The following EHBP1 variants were observed in gnomAD, a reference collection of about 807,000 sequenced individuals.
EHBP1 encodes EH domain-binding protein 1.
A neutral mutation model predicts 144.0 loss-of-function variants in EHBP1; 55 were observed. The observed-to-expected ratio is 0.38, with a 90% CI of 0.31 to 0.48. EHBP1 has a LOEUF of 0.48. Among genes scored for constraint, EHBP1 ranks in the 20% least tolerant of loss-of-function variants. The probability of loss-of-function intolerance (pLI) is 0.98; values close to 1 mark genes in which losing one functional copy is unlikely to be tolerated. For synonymous variants in EHBP1, 469 were observed against 472.7 expected (o/e 0.99, Z 0.10); for missense variants, 1,200 against 1,364.2 (o/e 0.88, Z 1.90).
At chr2:62,808,584 A>G (rs535633554) in intron 5 of EHBP1, among the ~76,000 whole-genome samples, 2 of 152,164 alleles carry the variant, frequency 1.3e-5, no homozygotes, top group East Asian at 3.9e-4. Flanking sequence ...TATTGGTCTG[A>G]TTATTCCACC....
chr2:62,840,069 C>T (rs2047673896), intron 7 of EHBP1, among the ~76,000 whole-genome samples: 1 of 151,906 alleles, frequency 6.6e-6, no homozygotes, highest in Admixed American at 6.6e-5. Flanking sequence ...GGAGGCATCA[C>T]ACTACCTGAC....
chr2:62,750,023 A>C (rs2039529339), intron 3 of EHBP1, among the ~76,000 whole-genome samples: 1 of 152,072 alleles, frequency 6.6e-6, no homozygotes. Flanking sequence ...TTTTGTTGCC[A>C]TTGCTTTTGG....
chr2:62,951,902 A>T (rs923051512), intron 13 of EHBP1, among the ~76,000 whole-genome samples: 6 of 152,206 alleles, frequency 3.9e-5, no homozygotes, highest in Non-Finnish European at 4.4e-5. Context: ...TTAAAATTTT[A>T]AAATACCCTG....
chr2:62,789,530 G>T (rs1416265972), intron 5 of EHBP1, among the ~76,000 whole-genome samples: 1 of 152,036 alleles, frequency 6.6e-6, no homozygotes, highest in Non-Finnish European at 1.5e-5. Flanking sequence ...TGCCTCAAAC[G>T]TGCACAACCT....
chr2:62,792,119 TAC>T (rs892075952), intron 5 of EHBP1, among the ~76,000 whole-genome samples: 13 of 152,096 alleles, frequency 8.5e-5, no homozygotes, highest in Non-Finnish European at 1.5e-5. Context: ...AAGTACTACT[TAC>T]AGTTATTTCA....
At chr2:63,036,688 A>AATTAATATTAAT (rs1239610531) in intron 19 of EHBP1, among the ~76,000 whole-genome samples, 3 of 151,970 alleles carry the variant, frequency 2.0e-5, no homozygotes, top group Non-Finnish European at 4.4e-5. Context: ...AAGCTAGGAA[A>AATTAATATTAAT]ATTAATATTT....
chr2:62,892,661 C>G (rs2052560479), intron 10 of EHBP1, among the ~76,000 whole-genome samples: 2 of 151,996 alleles, frequency 1.3e-5, no homozygotes. Flanking sequence ...AGATGTTATC[C>G]TCATTGCAGC....
intron 19 of EHBP1, among the ~76,000 whole-genome samples, chr2:63,012,695 T>A (rs1029011233): frequency 1.3e-5 from 2 of 152,180 alleles, no homozygotes; most frequent in Non-Finnish European, 2.9e-5. Flanking sequence ...GGAAAATAAC[T>A]TAAAACAGCT....
intron 7 of EHBP1, 147 bp from the exon 8 acceptor site, chr2:62,859,022 T>TACA: frequency 9.2e-6 from 6 of 653,114 alleles, no homozygotes; most frequent in Non-Finnish European, 1.4e-5. Context: ...ACAAAATACT[T>TACA]GAATGGCATT....
chr2:63,020,314 A>C (rs1261348542), intron 19 of EHBP1, among the ~76,000 whole-genome samples: 1 of 133,148 alleles, frequency 7.5e-6, no homozygotes, highest in Admixed American at 8.4e-5. Flanking sequence ...ACAGAGTGAG[A>C]CTCTGTCTCA....
intron 7 of EHBP1, chr2:62,858,657 A>G: frequency 1.7e-6 from 1 of 595,254 alleles, no homozygotes; most frequent in Non-Finnish European, 3.0e-6. Flanking sequence ...GTAGTGCACC[A>G]ACAGGCAACA....
chr2:62,719,730 A>T (rs1169185795), intron 2 of EHBP1, among the ~76,000 whole-genome samples: 1 of 152,234 alleles, frequency 6.6e-6, no homozygotes, highest in African/African-American at 2.4e-5. Context: ...TAGCATTTAC[A>T]TTGTATTAGA....
At chr2:62,768,307 AAC>A (rs1227123700) in intron 4 of EHBP1, among the ~76,000 whole-genome samples, 1 of 152,190 alleles carries the variant, frequency 6.6e-6, no homozygotes, top group African/African-American at 2.4e-5. Flanking sequence ...GAGCCAAATA[AAC>A]ACAATTAGAA....
At chr2:62,914,045 AAGAG>A (rs2054422961) in intron 10 of EHBP1, among the ~76,000 whole-genome samples, 1 of 152,164 alleles carries the variant, frequency 6.6e-6, no homozygotes, top group Admixed American at 6.6e-5. Flanking sequence ...AATTCCTAGA[AAGAG>A]AGTGTCAAAC....
At chr2:62,827,921 G>A (rs751662732) in intron 6 of EHBP1, among the ~76,000 whole-genome samples, 15 of 152,006 alleles carry the variant, frequency 9.9e-5, no homozygotes, top group Admixed American at 2.6e-4. Flanking sequence ...CGCCCACCTC[G>A]GCCTCCCAAA....
At chr2:62,995,296 T>C (rs2059586891) in intron 18 of EHBP1, among the ~76,000 whole-genome samples, 1 of 152,064 alleles carries the variant, frequency 6.6e-6, no homozygotes, top group African/African-American at 2.4e-5. Flanking sequence ...GAAATTTAGT[T>C]TTATGATTTC....
chr2:62,786,034 T>C (rs747317670), intron 5 of EHBP1, among the ~76,000 whole-genome samples: 1 of 152,162 alleles, frequency 6.6e-6, no homozygotes, highest in Non-Finnish European at 1.5e-5. Context: ...CAACTAAACA[T>C]TGTTATAAGC....
intron 3 of EHBP1, among the ~76,000 whole-genome samples, chr2:62,761,062 C>T (rs2040729601): frequency 6.6e-6 from 1 of 151,650 alleles, no homozygotes; most frequent in Non-Finnish European, 1.5e-5. Flanking sequence ...GCTTGATTAA[C>T]CATAAGAGTT....
At chr2:62,757,426 CTTTTTTTTTTT>C (rs555494268) in intron 3 of EHBP1, among the ~76,000 whole-genome samples, 6 of 113,036 alleles carry the variant, frequency 5.3e-5, no homozygotes, top group African/African-American at 1.7e-4. Flanking sequence ...TTTTTTTTTT[CTTTTTTTTTTT>C]TTTTTTTTGA....
Sources: gnomAD v4.1 joint callset for allele counts (sites outside exome capture counted in the v4.1 genomes callset) on GRCh38, gnomAD v4.1.1 for gene constraint, MANE v1.5 for transcripts, NCBI Gene and HGNC (gene_info 2026-07-23, HGNC 2026-07-21) for gene names.